The following ADGRG7 variants were observed in gnomAD, a reference collection of about 807,000 sequenced individuals.
ADGRG7 encodes the protein adhesion G protein-coupled receptor G7.
Under a neutral mutation model 88.6 loss-of-function variants are expected in ADGRG7, and 82 were observed. The observed-to-expected ratio is 0.93, with a 90% CI of 0.77 to 1.11. ADGRG7 has a LOEUF of 1.11. ADGRG7 is among the 50% of genes most tolerant of loss of function. The pLI, the probability that ADGRG7 is intolerant of heterozygous loss-of-function variation, is 0.00. For synonymous variants in ADGRG7, 381 were observed against 345.2 expected, an observed-to-expected ratio of 1.10 and a Z score of -1.15; for missense variants, 945 against 953.4, an observed-to-expected ratio of 0.99 and a Z score of 0.12.
chr3:100,655,690 G>A (rs2094936647), intron 12 of ADGRG7, among the ~76,000 whole-genome samples: 1 of 152,170 alleles, frequency 6.6e-6, no homozygotes, highest in Admixed American at 6.5e-5. Flanking sequence ...GGATTGATAT[G>A]TAGAGCCATC....
intron 15 of ADGRG7, among the ~76,000 whole-genome samples, chr3:100,691,890 C>G (rs984062991): frequency 6.6e-6 from 1 of 152,076 alleles, no homozygotes; most frequent in Non-Finnish European, 1.5e-5. Flanking sequence ...CATCAGTACT[C>G]TGAGTGCAAG....
chr3:100,627,966 A>AT (rs1409757089), intron 1 of ADGRG7, among the ~76,000 whole-genome samples: 1 of 152,010 alleles, frequency 6.6e-6, no homozygotes, highest in Non-Finnish European at 1.5e-5. Context: ...AGCTCTGTTT[A>AT]TTTTTTTAAA....
chr3:100,637,965 G>A (rs1707574104), intron 6 of ADGRG7, among the ~76,000 whole-genome samples: 1 of 152,022 alleles, frequency 6.6e-6, no homozygotes, highest in Admixed American at 6.5e-5. Context: ...GAATCAGCCA[G>A]TCACTTCTCC....
chr3:100,637,558 C>A, intron 6 of ADGRG7, 156 bp downstream of exon 6: 1 of 602,188 alleles, frequency 1.7e-6, no homozygotes, highest in Non-Finnish European at 2.9e-6. Context: ...TCCACTTGAC[C>A]TTTAGTTACT....
intron 1 of ADGRG7, among the ~76,000 whole-genome samples, chr3:100,618,495 T>C (rs1262153755): frequency 1.3e-5 from 2 of 152,238 alleles, no homozygotes; most frequent in Non-Finnish European, 2.9e-5. Flanking sequence ...ATTTCTTGTT[T>C]TTGTCAGATT....
At chr3:100,688,289 A>G (rs2094986769) in intron 15 of ADGRG7, among the ~76,000 whole-genome samples, 1 of 151,866 alleles carries the variant, frequency 6.6e-6, no homozygotes, top group South Asian at 2.1e-4. Context: ...TAGTCTTGCT[A>G]GTGGTCTATC....
chr3:100,646,227 G>GGT, intron 9 of ADGRG7, 119 bp downstream of exon 9: 2 of 320,466 alleles, frequency 6.2e-6, no homozygotes, highest in Non-Finnish European at 6.2e-6. Flanking sequence ...CGGGGGGGAG[G>GGT]GTTTTCCATG....
At chr3:100,679,594 C>T (rs541023290) in intron 15 of ADGRG7, among the ~76,000 whole-genome samples, 1 of 152,288 alleles carries the variant, frequency 6.6e-6, no homozygotes, top group Admixed American at 6.5e-5. Context: ...ATTTTTAATA[C>T]CATTTCTGGG....
chr3:100,646,574 C>A lies in ADGRG7; in HGVS notation c.1116C>A (p.Asn372Lys). The change falls in exon 10 of 16, where the codon AAC (asparagine) becomes AAA (lysine). Residue 372 changes from asparagine to lysine, a missense_variant. Asn to Lys is a moderately conservative substitution (Grantham distance 94). Transcript: ENST00000273352. ...SVDMVFSPKY[N>K]QKEFQLYSYA... ...ATTGTCTTATCAATTCATAGTACAA[C>A]CAAAAAGAATTTCAACTCTATTCCT... 1 of 1,611,842 alleles carries A rather than the reference C, an allele frequency of 6.2e-7. No individual in the cohort carries two copies. The highest frequency in any genetic ancestry group is 8.5e-7 in the Non-Finnish European group (1 of 1,178,776).
intron 1 of ADGRG7, among the ~76,000 whole-genome samples, chr3:100,628,374 G>GT (rs35854044): frequency 0.32 from 47,186 of 146,216 alleles, 7,829 homozygotes; most frequent in Non-Finnish European, 0.36. Flanking sequence ...TGTTTTTTTT[G>GT]TTTTTTTTTT....
chr3:100,671,924 T>C (rs1349351197), intron 15 of ADGRG7, among the ~76,000 whole-genome samples: 1 of 152,230 alleles, frequency 6.6e-6, no homozygotes, highest in Admixed American at 6.5e-5. Context: ...TATATCTGTT[T>C]TGGTACCAGT....
chr3:100,620,992 G>C (rs186760569), intron 1 of ADGRG7, among the ~76,000 whole-genome samples: 70 of 152,048 alleles, frequency 4.6e-4, no homozygotes, highest in Admixed American at 9.8e-4. Context: ...TATTATTTCT[G>C]TTATGGTGGT....
chr3:100,685,207 T>G (rs1217989528), intron 15 of ADGRG7, among the ~76,000 whole-genome samples: 1 of 152,190 alleles, frequency 6.6e-6, no homozygotes, highest in Non-Finnish European at 1.5e-5. Flanking sequence ...TAGCTGACAA[T>G]TTTTCTTTAG....
Position 100,622,768 on chromosome 3 carries a change from T to A in ADGRG7, c.116-6830T>A, listed in dbSNP as rs147944218. ...GGCTTCCATTTTTATCTTCTTTTTT[T>A]TCCTTTTTTTTGAGATGGAGTCTCA... On this transcript the variant is annotated intron_variant, in intron 1 of 15. Transcript: ENST00000273352. Among the ~76,000 whole-genome samples the A allele has an allele frequency of 7.0e-3, 1,060 of 152,228 alleles. 9 individuals are homozygous for A. The highest frequency in any genetic ancestry group is 0.013 in the African/African-American group (536 of 41,554).
chr3:100,614,621 G>A (rs1034870345), intron 1 of ADGRG7, among the ~76,000 whole-genome samples: 19 of 152,142 alleles, frequency 1.2e-4, no homozygotes, highest in African/African-American at 3.9e-4. Context: ...ACAAATGAGA[G>A]ATGCCTGGAT....
chr3:100,668,947 A>T lies in ADGRG7; in HGVS notation c.1980-2A>T, dbSNP rs1317547594. Reference sequence around the variant, plus strand: ...TTATTTTTCTTGTTTTCTTTCACCTAGCACAAAAAAAGTTTCATCCATGAA... The same window carrying T: ...TTATTTTTCTTGTTTTCTTTCACCTTGCACAAAAAAAGTTTCATCCATGAA... On this transcript the variant is annotated splice_acceptor_variant, in intron 14 of 15. Transcript: ENST00000273352. LOFTEE classifies it high-confidence loss of function. 1.3e-6 allele frequency: 2 copies of T among 1,577,894 alleles called. No homozygotes were observed. Among genetic ancestry groups the T allele is most frequent in the Non-Finnish European group, 1.7e-6 (2 of 1,165,606 alleles).
Position 100,643,653 on chromosome 3 carries a change from A to G in ADGRG7, c.946+20A>G, listed in dbSNP as rs1434210634. ...CGAAAAGTAAGTCTCAAACTTTGTG[A>G]CATTTAAAAAAATGGACTCGAATTC... On this transcript the variant is annotated intron_variant, in intron 8 of 15. Transcript: ENST00000273352. 2.6e-6 allele frequency: 4 copies of G among 1,532,746 alleles called. No individual in the cohort carries two copies. The South Asian group carries it at 4.6e-5, about 18-fold the overall frequency. 94.9% of individuals were successfully genotyped at this position (1,532,746 alleles called of 1,614,324 possible). A position where few individuals can be genotyped will look rare whatever the true frequency, so the allele number is the denominator to read the frequency against.
At chr3:100,651,982 G>A (rs973209595) in intron 11 of ADGRG7, among the ~76,000 whole-genome samples, 1 of 152,006 alleles carries the variant, frequency 6.6e-6, no homozygotes, top group Non-Finnish European at 1.5e-5. Flanking sequence ...GTTTTCGATG[G>A]GTTTGTTGTG....
At chr3:100,635,049 G>A (rs899829367) in intron 4 of ADGRG7, among the ~76,000 whole-genome samples, 30 of 151,098 alleles carry the variant, frequency 2.0e-4, no homozygotes, top group East Asian at 1.9e-4. Flanking sequence ...ACGTGCGCGC[G>A]CATGGACACC....
Sources: allele counts gnomAD v4.1 joint callset (sites outside exome capture counted in the v4.1 genomes callset), GRCh38; gene constraint gnomAD v4.1.1; transcripts MANE v1.5; gene names NCBI Gene and HGNC (gene_info 2026-07-23, HGNC 2026-07-21).